Variants in ROBO1 observed in about 807,000 individuals in gnomAD.
The protein encoded by ROBO1 is roundabout guidance receptor 1, also known as roundabout homolog 1.
In ROBO1, 149 loss-of-function variants were observed where a neutral mutation model predicts 195.9. The ratio of observed to expected loss-of-function variants is 0.76; its 90% CI spans 0.67 to 0.87. The LOEUF is 0.87. Ranked by LOEUF, ROBO1 falls within the 40% of genes least tolerant of loss-of-function variation. The pLI is 0.00. For synonymous variants in ROBO1, 816 were observed against 733.2 expected (o/e 1.11, Z -1.82); for missense variants, 1,933 against 2,068.3 (o/e 0.93, Z 1.27).
chr3:79,145,958 A>C (rs2080640125), intron 2 of ROBO1, among the ~76,000 whole-genome samples: 1 of 151,922 alleles, frequency 6.6e-6, no homozygotes, highest in Non-Finnish European at 1.5e-5. Context: ...GGTAGAAATA[A>C]TAGTTGGTGT....
intron 3 of ROBO1, among the ~76,000 whole-genome samples, chr3:79,021,921 A>G (rs1048911894): frequency 1.1e-4 from 17 of 152,154 alleles, no homozygotes; most frequent in African/African-American, 4.1e-4. Flanking sequence ...TGGCCTCCCA[A>G]AGTGCTGGGA....
chr3:79,640,214 G>T (rs529986095), intron 1 of ROBO1, among the ~76,000 whole-genome samples: 6 of 152,042 alleles, frequency 3.9e-5, no homozygotes, highest in Admixed American at 6.6e-5. Flanking sequence ...AAGATAGCTT[G>T]GGAAATATGT....
At position 79,699,707 on chromosome 3, in the gene ROBO1, A is replaced by C. The variant is rs780989661; in HGVS notation, c.-51+68045T>G. Among the ~76,000 whole-genome samples the C allele has an allele frequency of 3.2e-4, 49 of 151,670 alleles. 1 individual carries two copies. The highest frequency in any genetic ancestry group is 5.3e-4 in the Non-Finnish European group (36 of 67,732). On this transcript the variant is annotated intron_variant, in intron 1 of 30. Transcript: ENST00000464233. ...CAGTTTTTAGTTAACCAACTGGTTG[A>C]CTACAATACAGACATTTTCTAGATC...
At chr3:78,817,875 A>G (rs2030306096) in intron 4 of ROBO1, among the ~76,000 whole-genome samples, 1 of 152,164 alleles carries the variant, frequency 6.6e-6, no homozygotes, top group South Asian at 2.1e-4. Context: ...TCCAGGGTGA[A>G]TATCTCAGAC....
chr3:79,630,479 A>C (rs1945305706), intron 1 of ROBO1, among the ~76,000 whole-genome samples: 1 of 152,052 alleles, frequency 6.6e-6, no homozygotes, highest in African/African-American at 2.4e-5. Flanking sequence ...ATAGGCATCA[A>C]AGAATCATAC....
At chr3:79,555,336 A>G (rs1942660146) in intron 2 of ROBO1, among the ~76,000 whole-genome samples, 1 of 152,126 alleles carries the variant, frequency 6.6e-6, no homozygotes, top group African/African-American at 2.4e-5. Context: ...TTGAACCAGG[A>G]AAGTTACCGA....
At chr3:79,435,598 T>C (rs2038857282) in intron 2 of ROBO1, among the ~76,000 whole-genome samples, 1 of 152,180 alleles carries the variant, frequency 6.6e-6, no homozygotes, top group African/African-American at 2.4e-5. Flanking sequence ...CACATGATTC[T>C]AGACACAAAC....
chr3:79,550,669 CAGCAAATACCAA>C (rs1333926092), intron 2 of ROBO1, among the ~76,000 whole-genome samples: 5 of 152,098 alleles, frequency 3.3e-5, no homozygotes, highest in Admixed American at 1.3e-4. Flanking sequence ...AAATAATTCC[CAGCAAATACCAA>C]AGCAAATAAT....
chr3:79,509,195 C>G (rs766743474), intron 2 of ROBO1, among the ~76,000 whole-genome samples: 6 of 151,372 alleles, frequency 4.0e-5, no homozygotes, highest in African/African-American at 1.5e-4. Flanking sequence ...TTGTCTTTTT[C>G]CTGTGAAAAA....
chr3:78,608,974 G>C (rs757040695), intron 28 of ROBO1, among the ~76,000 whole-genome samples: 1 of 152,090 alleles, frequency 6.6e-6, no homozygotes, highest in Non-Finnish European at 1.5e-5. Context: ...AAATAGAAAG[G>C]TACAACAGGT....
rs531388406 is a variant in ROBO1, at chr3:79,355,699, T to C, written c.89-230160A>G. On this transcript the variant is annotated intron_variant, in intron 2 of 30. Transcript: ENST00000464233. ...GCCTAGCTTATTCCACCGAAAATAATGCCCTCCAGGTTCATCCATGTCGCT... is the reference window on the plus strand; with the variant it reads ...GCCTAGCTTATTCCACCGAAAATAACGCCCTCCAGGTTCATCCATGTCGCT... Among the ~76,000 whole-genome samples, 12 of 152,316 alleles carry C rather than the reference T, an allele frequency of 7.9e-5. No individual in the cohort carries two copies. In the East Asian group the frequency reaches 2.3e-3, roughly 29 times the overall value.
intron 3 of ROBO1, among the ~76,000 whole-genome samples, chr3:79,060,313 T>G (rs2078892411): frequency 6.6e-6 from 1 of 151,948 alleles, no homozygotes; most frequent in Admixed American, 6.6e-5. Flanking sequence ...GATCTCACTC[T>G]GCTTTTCTGC....
chr3:79,029,998 C>G (rs752195092), intron 3 of ROBO1, among the ~76,000 whole-genome samples: 1 of 152,108 alleles, frequency 6.6e-6, no homozygotes, highest in Non-Finnish European at 1.5e-5. Flanking sequence ...TTTGTGTTGG[C>G]AATTTTGTGT....
chr3:79,216,571 T>C (rs2082058725), intron 2 of ROBO1, among the ~76,000 whole-genome samples: 1 of 151,994 alleles, frequency 6.6e-6, no homozygotes, highest in Admixed American at 6.6e-5. Flanking sequence ...TCCCTTCCTG[T>C]GGAGTACCTC....
At chr3:79,492,439 A>T (rs1029588751) in intron 2 of ROBO1, among the ~76,000 whole-genome samples, 1 of 151,084 alleles carries the variant, frequency 6.6e-6, no homozygotes. Context: ...AAAAAAAAAA[A>T]AAAAAAAGAG....
At chr3:78,810,968 T>C (rs546106249) in intron 4 of ROBO1, among the ~76,000 whole-genome samples, 1 of 152,304 alleles carries the variant, frequency 6.6e-6, no homozygotes, top group Admixed American at 6.5e-5. Flanking sequence ...GAAATCAAAG[T>C]GCCAGTTGAT....
chr3:79,013,357 T>C (rs1325329718), intron 3 of ROBO1, among the ~76,000 whole-genome samples: 1 of 152,208 alleles, frequency 6.6e-6, no homozygotes, highest in Non-Finnish European at 1.5e-5. Context: ...GTCTCCTCTT[T>C]TAAGCATGCC....
intron 3 of ROBO1, among the ~76,000 whole-genome samples, chr3:78,945,916 T>C (rs758808111): frequency 1.6e-4 from 24 of 150,678 alleles, no homozygotes; most frequent in Non-Finnish European, 3.0e-4. Context: ...AGAAAGGGTA[T>C]CAGTGATGGA....
At chr3:78,782,911 C>T (rs909042917) in intron 4 of ROBO1, among the ~76,000 whole-genome samples, 15 of 152,144 alleles carry the variant, frequency 9.9e-5, no homozygotes, top group African/African-American at 3.4e-4. Context: ...AGTGGTTTAA[C>T]GTATGCCTGT....
Sources: allele counts gnomAD v4.1 joint callset (sites outside exome capture counted in the v4.1 genomes callset), GRCh38; gene constraint gnomAD v4.1.1; transcripts MANE v1.5; gene names NCBI Gene and HGNC (gene_info 2026-07-23, HGNC 2026-07-21).